CAMTA1: variants seen among roughly 807,000 people sequenced by gnomAD.
CAMTA1 encodes the protein calmodulin-binding transcription activator 1.
Under a neutral mutation model 170.9 loss-of-function variants are expected in CAMTA1, and 27 were observed. The ratio of observed to expected loss-of-function variants is 0.16; its 90% CI spans 0.12 to 0.22. The LOEUF is 0.22. Ranked by LOEUF, CAMTA1 falls within the 10% of genes least tolerant of loss-of-function variation. The pLI, the probability that CAMTA1 is intolerant of heterozygous loss-of-function variation, is 1.00. For missense variants in CAMTA1, 1,619 were observed against 2,217.2 expected (o/e 0.73, Z 5.42); for synonymous variants, 833 against 891.5 (o/e 0.93, Z 1.17).
chr1:7,558,228 C>G (rs1189618963), intron 6 of CAMTA1, among the ~76,000 whole-genome samples: 2 of 152,254 alleles, frequency 1.3e-5, no homozygotes, highest in East Asian at 3.9e-4. Flanking sequence ...TGCCTGCTCT[C>G]CTGCTCATGG....
At chr1:7,268,269 G>A (rs897259501) in intron 5 of CAMTA1, among the ~76,000 whole-genome samples, 7 of 152,222 alleles carry the variant, frequency 4.6e-5, no homozygotes, top group Admixed American at 3.9e-4. Context: ...GAGGAGAAGG[G>A]GGGGTCAGCA....
chr1:7,103,392 CACA>C lies in CAMTA1; in HGVS notation c.302+12024_302+12026del, dbSNP rs1400182274. Among the ~76,000 whole-genome samples, 11 of 145,262 alleles carry C rather than the reference CACA, an allele frequency of 7.6e-5. No individual in the cohort carries two copies. In the South Asian group the frequency reaches 1.1e-3, roughly 14 times the overall value. On this transcript the variant is annotated intron_variant, in intron 4 of 22. Coordinates refer to ENST00000303635, the MANE Select transcript of CAMTA1 (RefSeq NM_015215.4). ...ATATATACACAACTACACACGTACA[CACA>C]ACTACACACGCACACACACAGCACA...
At chr1:7,177,545 C>A (rs1232051360) in intron 4 of CAMTA1, among the ~76,000 whole-genome samples, 2 of 145,206 alleles carry the variant, frequency 1.4e-5, no homozygotes, top group Non-Finnish European at 3.0e-5. Flanking sequence ...ATATTGAGAC[C>A]CCTCCCACAT....
Position 6,926,476 on chromosome 1 carries a change from CTTTCTTTCTT to C in CAMTA1, c.234+101268_234+101277del, listed in dbSNP as rs1557838227. On this transcript the variant is annotated intron_variant, in intron 3 of 22. Coordinates refer to ENST00000303635, the MANE Select transcript of CAMTA1 (RefSeq NM_015215.4). ...TCTTTCTTTCTTTCTTTCTTTCTTT[CTTTCTTTCTT>C]TCTCTCTCTCTTTTCTTCCTTCCTT... Among the ~76,000 whole-genome samples, 22 of 137,280 alleles carry C rather than the reference CTTTCTTTCTT, an allele frequency of 1.6e-4. No homozygotes were observed. In the East Asian group the frequency reaches 1.9e-3, roughly 12 times the overall value. 90.1% of individuals were successfully genotyped at this position (137,280 alleles called of 152,430 possible).
intron 3 of CAMTA1, among the ~76,000 whole-genome samples, chr1:7,055,323 C>T (rs946214561): frequency 2.0e-5 from 3 of 152,168 alleles, no homozygotes; most frequent in African/African-American, 7.2e-5. Flanking sequence ...GAACCAGAGC[C>T]TTCCCTTTAC....
At chr1:6,868,195 A>G (rs1036052302) in intron 3 of CAMTA1, among the ~76,000 whole-genome samples, 8 of 152,026 alleles carry the variant, frequency 5.3e-5, no homozygotes, top group African/African-American at 1.9e-4. Flanking sequence ...GTTAACAGCG[A>G]TCTTGTAAAG....
chr1:7,401,582 G>A (rs1370760332), intron 5 of CAMTA1, among the ~76,000 whole-genome samples: 2 of 151,932 alleles, frequency 1.3e-5, no homozygotes, highest in Non-Finnish European at 2.9e-5. Flanking sequence ...GATCAGTTTG[G>A]GGAGAATTAA....
At chr1:7,474,671 G>T (rs1027426382) in intron 6 of CAMTA1, among the ~76,000 whole-genome samples, 1 of 152,214 alleles carries the variant, frequency 6.6e-6, no homozygotes, top group Non-Finnish European at 1.5e-5. Context: ...CAGGAGCCCC[G>T]CTGGTACAGG....
At chr1:7,000,233 T>C (rs997015565) in intron 3 of CAMTA1, among the ~76,000 whole-genome samples, 1 of 152,228 alleles carries the variant, frequency 6.6e-6, no homozygotes, top group Admixed American at 6.5e-5. Context: ...CCTCTTTCAC[T>C]TCCCGGTCCT....
At position 7,664,125 on chromosome 1, in the gene CAMTA1, C is replaced by T. The variant is rs989899397; in HGVS notation, c.1578C>T (p.Thr526=). ...GGGAGCGGAGCTTCAGCTTTACCAC[C>T]GTCCTCACCAAGGAGATCAAGACCG... ...PPGERSFSFT[T]VLTKEIKTED... Residue 526 remains threonine, a synonymous_variant, in exon 9 of 23, where the codon ACC becomes ACT. Coordinates refer to ENST00000303635, the MANE Select transcript of CAMTA1 (RefSeq NM_015215.4). The T allele has an allele frequency of 6.2e-6, 10 of 1,613,386 alleles. No homozygotes were observed. The highest frequency in any genetic ancestry group is 2.2e-5 in the East Asian group (1 of 44,870).
chr1:7,054,855 A>C (rs1489772097), intron 3 of CAMTA1, among the ~76,000 whole-genome samples: 1 of 152,194 alleles, frequency 6.6e-6, no homozygotes, highest in Non-Finnish European at 1.5e-5. Flanking sequence ...TAATTGGCTC[A>C]CAGTTTGGCA....
chr1:7,120,011 G>T (rs1558128167), intron 4 of CAMTA1, among the ~76,000 whole-genome samples: 2 of 152,144 alleles, frequency 1.3e-5, no homozygotes, highest in Non-Finnish European at 2.9e-5. Context: ...ACCACCCCGA[G>T]ATAGGTATAA....
At chr1:7,520,676 C>A (rs894450285) in intron 6 of CAMTA1, among the ~76,000 whole-genome samples, 1 of 152,020 alleles carries the variant, frequency 6.6e-6, no homozygotes, top group Admixed American at 6.6e-5. Context: ...CAGAGTTGGG[C>A]GGTGGGGAAC....
At chr1:7,186,271 C>T (rs1436320145) in intron 4 of CAMTA1, among the ~76,000 whole-genome samples, 1 of 152,008 alleles carries the variant, frequency 6.6e-6, no homozygotes, top group Non-Finnish European at 1.5e-5. Context: ...CTATTTTTGC[C>T]AATTTTCTGT....
chr1:7,066,362 G>C lies in CAMTA1; in HGVS notation c.235-24942G>C, dbSNP rs182737292. 5.9e-5 allele frequency among the ~76,000 whole-genome samples: 9 copies of C among 152,330 alleles called. No homozygotes were observed. In the East Asian group the frequency reaches 1.7e-3, roughly 29 times the overall value. Reference sequence around the variant, plus strand: ...CCCCGGGATCTACAGTGTGGGACAAGGCACACACACTTTTGATTGATAAAC... The same window carrying C: ...CCCCGGGATCTACAGTGTGGGACAACGCACACACACTTTTGATTGATAAAC... On this transcript the variant is annotated intron_variant, in intron 3 of 22. Transcript: ENST00000303635.
intron 3 of CAMTA1, among the ~76,000 whole-genome samples, chr1:7,031,602 C>T (rs1271990760): frequency 6.6e-6 from 1 of 152,076 alleles, no homozygotes; most frequent in African/African-American, 2.4e-5. Context: ...TGCAGTGGTG[C>T]AATCTTGGTT....
chr1:7,744,557 T>C (rs1193659619), intron 16 of CAMTA1, among the ~76,000 whole-genome samples: 1 of 152,194 alleles, frequency 6.6e-6, no homozygotes, highest in African/African-American at 2.4e-5. Flanking sequence ...TGGTTGACCC[T>C]GAGAGTAGGG....
At chr1:7,223,248 G>T (rs1435687412) in intron 4 of CAMTA1, among the ~76,000 whole-genome samples, 1 of 151,108 alleles carries the variant, frequency 6.6e-6, no homozygotes, top group Non-Finnish European at 1.5e-5. Flanking sequence ...TCAGGCTAGG[G>T]TGAGCAAAGC....
At chr1:6,986,300 A>G (rs1695349416) in intron 3 of CAMTA1, among the ~76,000 whole-genome samples, 2 of 152,214 alleles carry the variant, frequency 1.3e-5, no homozygotes, top group Non-Finnish European at 2.9e-5. Flanking sequence ...CACAATTATT[A>G]GATCTCCTAT....
Sources: allele counts gnomAD v4.1 joint callset (sites outside exome capture counted in the v4.1 genomes callset), GRCh38; gene constraint gnomAD v4.1.1; transcripts MANE v1.5; gene names NCBI Gene and HGNC (gene_info 2026-07-23, HGNC 2026-07-21).